The following MALRD1 variants were observed in gnomAD, a reference collection of about 807,000 sequenced individuals.
The protein encoded by MALRD1 is MAM and LDL receptor class A domain containing 1.
In MALRD1, 247 loss-of-function variants were observed where a neutral mutation model predicts 242.1. That is an observed-to-expected ratio of 1.02 (90% confidence interval 0.92 to 1.13). MALRD1 has a LOEUF of 1.13. MALRD1 is among the 50% of genes most tolerant of loss of function. The pLI, the probability that MALRD1 is intolerant of heterozygous loss-of-function variation, is 0.00. For missense variants in MALRD1, 2,989 were observed against 2,533.1 expected (o/e 1.18, Z -3.86); for synonymous variants, 995 against 866.6 (o/e 1.15, Z -2.60).
At chr10:19,440,191 G>A (rs1045371700) in intron 28 of MALRD1, among the ~76,000 whole-genome samples, 3 of 152,124 alleles carry the variant, frequency 2.0e-5, no homozygotes, top group East Asian at 3.9e-4. Flanking sequence ...GACTTCGGGA[G>A]AGTTCTGTTT....
chr10:19,469,132 T>A (rs77889224), intron 29 of MALRD1, among the ~76,000 whole-genome samples: 2,860 of 152,108 alleles, frequency 0.019, 48 homozygotes, highest in Non-Finnish European at 0.028. Context: ...TTCAAATTAT[T>A]CTAAGGTGAA....
Position 19,426,995 on chromosome 10 carries a change from C to T in MALRD1, c.4846-23312C>T, listed in dbSNP as rs143812757. On this transcript the variant is annotated intron_variant, in intron 28 of 39. Coordinates refer to ENST00000454679, the MANE Select transcript of MALRD1 (RefSeq NM_001142308.3). The stretch of plus-strand genomic sequence containing the variant: ...GCAGTTTCTTTTCCGTAATGACTGT[C>T]GCTATGAAGAATGTCGATGCTGACA... 4.1e-3 allele frequency among the ~76,000 whole-genome samples: 617 copies of T among 152,154 alleles called. 2 individuals are homozygous for T. The highest frequency in any genetic ancestry group is 0.014 in the African/African-American group (564 of 41,512).
rs768048343 is a variant in MALRD1, at chr10:19,331,366, T to C, written c.3688-3T>C. On this transcript the variant is annotated splice_region_variant and splice_polypyrimidine_tract_variant and intron_variant, in intron 23 of 39. Transcript: ENST00000454679. The stretch of plus-strand genomic sequence containing the variant: ...TTTAACTGTAACTGGCTTTTTTTTT[T>C]AGATTGTCTTCAGAGCCAAACGTGG... The C allele has an allele frequency of 5.2e-5, 80 of 1,549,128 alleles. No homozygotes were observed. Among genetic ancestry groups the C allele is most frequent in the East Asian group, 1.2e-4 (5 of 40,904 alleles).
intron 31 of MALRD1, among the ~76,000 whole-genome samples, chr10:19,527,178 C>A (rs1010526373): frequency 2.0e-5 from 3 of 152,056 alleles, no homozygotes; most frequent in Admixed American, 6.5e-5. Flanking sequence ...TTTTTTACTT[C>A]TCTTTATTAG....
At chr10:19,710,221 T>C (rs1240773766) in intron 38 of MALRD1, 4 of 152,154 alleles carry the variant, frequency 2.6e-5, no homozygotes, top group Non-Finnish European at 5.9e-5. Context: ...TGCCCCTAAG[T>C]TCCTGAAAAG....
chr10:19,315,610 ATATTTATAT>A (rs1842661627), intron 21 of MALRD1, among the ~76,000 whole-genome samples: 2 of 85,832 alleles, frequency 2.3e-5, no homozygotes, highest in Admixed American at 1.4e-4. Flanking sequence ...TAAATTATAA[ATATTTATAT>A]AAATTATAAA....
chr10:19,338,012 A>G (rs1843684674), intron 24 of MALRD1, among the ~76,000 whole-genome samples: 1 of 151,992 alleles, frequency 6.6e-6, no homozygotes, highest in South Asian at 2.1e-4. Flanking sequence ...TAGTGAGCCA[A>G]GATCACGCCA....
chr10:19,063,486 C>A (rs1834882491), intron 1 of MALRD1, among the ~76,000 whole-genome samples: 1 of 152,128 alleles, frequency 6.6e-6, no homozygotes, highest in Admixed American at 6.5e-5. Context: ...TACTCATTCC[C>A]ACTTTTTCAA....
At chr10:19,489,569 T>C (rs1043876624) in intron 29 of MALRD1, among the ~76,000 whole-genome samples, 3 of 151,986 alleles carry the variant, frequency 2.0e-5, no homozygotes, top group Non-Finnish European at 2.9e-5. Context: ...GTGTAAATGC[T>C]TTTTTTTAAG....
chr10:19,087,998 G>A (rs1444361517), intron 3 of MALRD1, 26 bp from the exon 4 acceptor site: 4 of 1,232,986 alleles, frequency 3.2e-6, no homozygotes, highest in African/African-American at 1.6e-5. Context: ...TATCATAATT[G>A]TTTGGGTACT....
At position 19,174,562 on chromosome 10, in the gene MALRD1, T is replaced by C. The variant is rs139775900; in HGVS notation, c.1831-646T>C. Among the ~76,000 whole-genome samples the C allele has an allele frequency of 5.7e-4, 86 of 151,978 alleles. 1 individual carries two copies. The highest frequency in any genetic ancestry group is 1.5e-3 in the Admixed American group (23 of 15,254). On this transcript the variant is annotated intron_variant, in intron 13 of 39. Coordinates refer to ENST00000454679, the MANE Select transcript of MALRD1 (RefSeq NM_001142308.3). ...CTCCTTTCTCTCTCTCTCTCTCTCT[T>C]TTTTTCTTCTTGGAATAACAACATA...
rs1228869004 is a variant in MALRD1 at position 19,595,360 on chromosome 10, C to G, written c.5847C>G (p.Asn1949Lys). The change falls in exon 34 of 40, where the codon AAC (asparagine) becomes AAG (lysine). Residue 1949 changes from asparagine (N) to lysine (K), a missense_variant. Transcript: ENST00000454679. ...PLSPTPPLCS[N>K]MEFPCSTDEC... ...GCCCCACCCCTCCACTCTGTAGTAA[C>G]ATGGAGTTCCCGTGCTCTACAGACG... The G allele has an allele frequency of 6.4e-7, 1 of 1,550,628 alleles. No homozygotes were observed. The highest frequency in any genetic ancestry group is 2.4e-5 in the East Asian group (1 of 40,890).
chr10:19,501,748 A>G (rs1369264005), intron 31 of MALRD1, among the ~76,000 whole-genome samples: 1 of 152,030 alleles, frequency 6.6e-6, no homozygotes, highest in Non-Finnish European at 1.5e-5. Flanking sequence ...AAAAAGAAAC[A>G]AGGCTGGGCA....
chr10:19,186,076 G>GA (rs34318767), intron 14 of MALRD1, among the ~76,000 whole-genome samples: 2 of 151,884 alleles, frequency 1.3e-5, no homozygotes, highest in Non-Finnish European at 2.9e-5. Context: ...TGAATACAAG[G>GA]AAAAAAAGTC....
chr10:19,333,482 CT>C (rs915134398), intron 24 of MALRD1, among the ~76,000 whole-genome samples: 2 of 152,058 alleles, frequency 1.3e-5, no homozygotes, highest in Non-Finnish European at 2.9e-5. Context: ...TGATTTCATT[CT>C]TTTTTATGAC....
In MALRD1 at chr10:19,726,491, A is replaced by G. The variant is rs994126682; in HGVS notation, c.6315-4215A>G. Among the ~76,000 whole-genome samples, 6 of 152,286 alleles carry G rather than the reference A, an allele frequency of 3.9e-5. No homozygotes were observed. In the East Asian group the frequency reaches 1.2e-3, roughly 29 times the overall value. Reference sequence around the variant, plus strand: ...TGAGGAGAAATAGAAACCCTCACACATTGTTGGTGGGAATGTAAGATGGTG... The same window carrying G: ...TGAGGAGAAATAGAAACCCTCACACGTTGTTGGTGGGAATGTAAGATGGTG... On this transcript the variant is annotated intron_variant, in intron 38 of 39. Transcript: ENST00000454679.
intron 19 of MALRD1, among the ~76,000 whole-genome samples, chr10:19,276,028 A>C (rs1840504000): frequency 6.6e-6 from 1 of 152,188 alleles, no homozygotes; most frequent in African/African-American, 2.4e-5. Context: ...ATGGCTGCCT[A>C]AATTGGAGCA....
At chr10:19,653,307 G>A (rs550653173) in intron 36 of MALRD1, among the ~76,000 whole-genome samples, 2 of 151,774 alleles carry the variant, frequency 1.3e-5, no homozygotes, top group East Asian at 2.0e-4. Flanking sequence ...GGTGATCATC[G>A]CACCTTAGCC....
intron 32 of MALRD1, among the ~76,000 whole-genome samples, chr10:19,554,420 C>T (rs1229499858): frequency 5.9e-5 from 9 of 151,944 alleles, no homozygotes; most frequent in South Asian, 4.2e-4. Flanking sequence ...AGGGTACATG[C>T]GCAGGATGTG....
Sources: gnomAD v4.1 joint callset for allele counts (sites outside exome capture counted in the v4.1 genomes callset) on GRCh38, gnomAD v4.1.1 for gene constraint, MANE v1.5 for transcripts, NCBI Gene and HGNC (gene_info 2026-07-23, HGNC 2026-07-21) for gene names.